ETV5: variants seen among roughly 807,000 people sequenced by gnomAD.
The protein encoded by ETV5 is ETS variant transcription factor 5.
A neutral mutation model predicts 70.0 loss-of-function variants in ETV5; 10 were observed. That is an observed-to-expected ratio of 0.14 (90% CI 0.09 to 0.24). The LOEUF (loss-of-function observed/expected upper bound fraction) is 0.24, where lower values mean the gene tolerates loss of function less well. Ranked by LOEUF, ETV5 falls within the 10% of genes least tolerant of loss-of-function variation. The pLI is 1.00. For missense variants in ETV5, 453 were observed against 651.2 expected (o/e 0.70, Z 3.31); for synonymous variants, 216 against 242.2 (o/e 0.89, Z 1.01).
At chr3:186,064,947 T>A (rs1426201828) in intron 8 of ETV5, among the ~76,000 whole-genome samples, 1 of 152,092 alleles carries the variant, frequency 6.6e-6, no homozygotes, top group African/African-American at 2.4e-5. Flanking sequence ...GTGGGAGTAT[T>A]TTTAGGCCAA....
Position 186,057,443 on chromosome 3 carries a change from A to G in ETV5, c.1019T>C (p.Val340Ala). The G allele has an allele frequency of 6.2e-7, 1 of 1,614,174 alleles. No individual in the cohort carries two copies. Among genetic ancestry groups the G allele is most frequent in the Non-Finnish European group, 8.5e-7 (1 of 1,180,004 alleles). ...CTTACCTTCCAGTCTCTCAGGCACA[A>G]CACAAGTGTCGTCAAAGTATAATCG... Reference protein sequence around the residue: ...DPRLYFDDTCVVPERLEGKVK... With the variant: ...DPRLYFDDTCAVPERLEGKVK... Residue 340 changes from valine (V) to alanine (A), a missense_variant, in exon 10 of 13, where the codon GTT (valine) becomes GCT (alanine). Val to Ala is a moderately conservative substitution (Grantham distance 64). This residue lies in a region of ETV5 where 307 missense variants were observed against 344.9 expected (regional missense o/e 0.89). Transcript: ENST00000306376. The surrounding 1 kb of genome is among the most constrained non-coding windows in gnomAD (Gnocchi z 4.9).
rs1553785717 is a variant in ETV5 at position 186,047,791 on chromosome 3, G to GC, written c.*847_*848insG. On this transcript the variant is annotated 3_prime_UTR_variant, in exon 13 of 13. Transcript: ENST00000306376. ...CACAGTTACCAAAAGGTTTGTTTTT[G>GC]TTTTTTGTTTTTCGTTTTTTTGCTT... The GC allele has an allele frequency of 4.3e-6, 1 of 233,148 alleles. No individual in the cohort carries two copies. Among genetic ancestry groups the GC allele is most frequent in the Non-Finnish European group, 8.5e-6 (1 of 117,862 alleles). The allele number at this position is 233,148 out of a possible 1,614,324, so 14.4% of individuals were successfully genotyped here. A position where few individuals can be genotyped will look rare whatever the true frequency, so the allele number is the denominator to read the frequency against.
intron 5 of ETV5, among the ~76,000 whole-genome samples, chr3:186,090,107 G>GAAA (rs146947983): frequency 6.6e-6 from 1 of 151,920 alleles, no homozygotes; most frequent in Non-Finnish European, 1.5e-5. Context: ...ATATTTGGAG[G>GAAA]AAAAAAAATC....
At chr3:186,095,330 T>G (rs891499347) in intron 5 of ETV5, 1 of 152,058 alleles carries the variant, frequency 6.6e-6, no homozygotes, top group Non-Finnish European at 1.5e-5. Context: ...GGAAAAAAAA[T>G]TGCAAAACTA....
chr3:186,079,699 C>T (rs747645370), intron 7 of ETV5, 118 bp downstream of exon 7: 3 of 1,073,628 alleles, frequency 2.8e-6, no homozygotes, highest in Non-Finnish European at 4.1e-6. Flanking sequence ...CAAGCTGCCT[C>T]AATGTAATGA....
Position 186,057,109 on chromosome 3 carries a change from C to T in ETV5, c.1175G>A (p.Arg392Gln), listed in dbSNP as rs777358489. 5 of 1,614,126 alleles carry T rather than the reference C, an allele frequency of 3.1e-6. No individual in the cohort carries two copies. The highest frequency in any genetic ancestry group is 3.3e-5 in the Admixed American group (2 of 60,012). ...ANAHFIAWTG[R>Q]GMEFKLIEPE... The stretch of plus-strand genomic sequence containing the variant: ...TTCTATCAGCTTGAACTCCATGCCT[C>T]GACCTGTCCAGGCAATGAAGTGGGC... Residue 392 changes from arginine to glutamine, a missense_variant, in exon 11 of 13, where the codon CGA (arginine) becomes CAA (glutamine). Coordinates refer to ENST00000306376, the MANE Select transcript of ETV5 (RefSeq NM_004454.3). This position sits in a 1 kb window ranked among gnomAD's most constrained non-coding sequence, Gnocchi z 4.9.
chr3:186,072,782 T>G (rs1212118760), intron 7 of ETV5, among the ~76,000 whole-genome samples: 3 of 152,220 alleles, frequency 2.0e-5, no homozygotes, highest in Admixed American at 2.0e-4. Context: ...GGGATGGTGA[T>G]GAAACTAAGA....
At chr3:186,100,656 T>C (rs1305949750) in intron 5 of ETV5, among the ~76,000 whole-genome samples, 3 of 152,250 alleles carry the variant, frequency 2.0e-5, no homozygotes, top group Admixed American at 2.0e-4. Context: ...CTTAGGAAAT[T>C]ACTTGTACTT....
At chr3:186,079,729 TA>T in intron 7 of ETV5, 87 bp downstream of exon 7, 1 of 1,405,736 alleles carries the variant, frequency 7.1e-7, no homozygotes, top group South Asian at 1.4e-5. Context: ...AGGAACCTGG[TA>T]AATAAGACAA....
chr3:186,065,670 G>C, intron 8 of ETV5, 143 bp downstream of exon 8: 1 of 989,306 alleles, frequency 1.0e-6, no homozygotes, highest in East Asian at 2.7e-5. Context: ...TAGCTCCTAA[G>C]TTATTTGAGG....
chr3:186,064,777 T>C (rs1713400221), intron 8 of ETV5, among the ~76,000 whole-genome samples: 1 of 152,212 alleles, frequency 6.6e-6, no homozygotes, highest in Admixed American at 6.5e-5. Context: ...AAAGAGCCAA[T>C]GGCAGGGGAA....
chr3:186,091,229 A>G (rs924860009), intron 5 of ETV5, among the ~76,000 whole-genome samples: 14 of 152,366 alleles, frequency 9.2e-5, no homozygotes, highest in Middle Eastern at 3.4e-3. Context: ...TGCTATTAGC[A>G]GGTACAGGGA....
intron 5 of ETV5, among the ~76,000 whole-genome samples, chr3:186,096,836 T>C (rs1183991865): frequency 6.6e-6 from 1 of 152,014 alleles, no homozygotes; most frequent in Non-Finnish European, 1.5e-5. Flanking sequence ...ACACTGGACG[T>C]GTGTCTGTGA....
chr3:186,096,840 TCTGTGAGCTGC>T (rs1208610039), intron 5 of ETV5, among the ~76,000 whole-genome samples: 1 of 152,124 alleles, frequency 6.6e-6, no homozygotes, highest in Non-Finnish European at 1.5e-5. Flanking sequence ...TGGACGTGTG[TCTGTGAGCTGC>T]CGGTGAGCTA....
chr3:186,063,394 C>T (rs1713357564), intron 9 of ETV5, among the ~76,000 whole-genome samples: 1 of 152,180 alleles, frequency 6.6e-6, no homozygotes, highest in Non-Finnish European at 1.5e-5. Context: ...CTTATTTGTT[C>T]CCAATTACTT....
intron 1 of ETV5, chr3:186,108,649 A>C: frequency 2.6e-6 from 3 of 1,141,872 alleles, no homozygotes; most frequent in Admixed American, 4.3e-5. Flanking sequence ...TCCCCCATCC[A>C]CTCGGGAGCC....
intron 1 of ETV5, among the ~76,000 whole-genome samples, chr3:186,106,253 A>C (rs1457994372): frequency 6.6e-6 from 1 of 152,228 alleles, no homozygotes; most frequent in African/African-American, 2.4e-5. Context: ...AAATAAAATA[A>C]AAGGGTGATT....
At chr3:186,069,832 G>A (rs964400304) in intron 7 of ETV5, among the ~76,000 whole-genome samples, 2 of 151,956 alleles carry the variant, frequency 1.3e-5, no homozygotes, top group South Asian at 2.1e-4. Context: ...TTGTTGAGAC[G>A]GCGTCTCGCT....
intron 7 of ETV5, chr3:186,078,167 T>C (rs946978068): frequency 3.8e-6 from 4 of 1,051,380 alleles, no homozygotes; most frequent in Non-Finnish European, 4.6e-6. Flanking sequence ...ACTAGGATAT[T>C]TGTCTCCCAA....
Sources: gnomAD v4.1 joint callset for allele counts (sites outside exome capture counted in the v4.1 genomes callset) on GRCh38, gnomAD v4.1.1 for gene constraint, gnomAD v4.1.1 regional missense constraint, Gnocchi (gnomAD v3.1) non-coding constraint, MANE v1.5 for transcripts, NCBI Gene and HGNC (gene_info 2026-07-23, HGNC 2026-07-21) for gene names.